The following LMTK3 variants were observed in gnomAD, a reference collection of about 807,000 sequenced individuals.
LMTK3 encodes lemur tail kinase 3, also known as serine/threonine-protein kinase LMTK3.
LMTK3 carries 27 observed loss-of-function variants against 116.7 expected under a neutral mutation model. The observed-to-expected ratio is 0.23, with a 90% CI of 0.17 to 0.32. The LOEUF is 0.32. Among genes scored for constraint, LMTK3 ranks in the 10% least tolerant of loss-of-function variants. The pLI is 1.00. For missense variants in LMTK3, 1,764 were observed against 2,068.5 expected (o/e 0.85, Z 2.86); for synonymous variants, 965 against 971.0 (o/e 0.99, Z 0.11).
rs566173716 is a variant in LMTK3, at chr19:48,502,857, G to A, written c.645+52C>T. ...GCCCAGGGGCACCAGGCTTGGCCCC[G>A]GCCTTGTCCAGCTGCCCCCTCTGCC... On this transcript the variant is annotated intron_variant, in intron 6 of 14. Coordinates refer to ENST00000600059, the MANE Select transcript of LMTK3 (RefSeq NM_001388485.1). The A allele has an allele frequency of 2.2e-4, 303 of 1,362,730 alleles. 4 individuals are homozygous for A. In the South Asian group the frequency reaches 3.5e-3, roughly 16 times the overall value. 84.4% of individuals were successfully genotyped at this position (1,362,730 alleles called of 1,614,324 possible). A position where few individuals can be genotyped will look rare whatever the true frequency, so the allele number is the denominator to read the frequency against.
At chr19:48,486,866 G>T (rs550142173) in intron 14 of LMTK3, among the ~76,000 whole-genome samples, 2 of 150,210 alleles carry the variant, frequency 1.3e-5, no homozygotes, top group Admixed American at 6.6e-5. Context: ...TTTTGGGGGG[G>T]TTTTGCTTGT....
At position 48,497,476 on chromosome 19, in the gene LMTK3, G is replaced by C. The variant is rs764187382; in HGVS notation, c.3593C>G (p.Pro1198Arg). Residue 1198 changes from proline to arginine, a missense_variant, in exon 11 of 15, where the codon CCC (proline) becomes CGC (arginine). By Grantham distance (103) the Pro-to-Arg change is moderately radical. Around this residue, in one of 7 missense-constraint regions of LMTK3, gnomAD observed 1,028 missense variants for 1,050.6 expected, o/e 0.98. Coordinates refer to ENST00000600059, the MANE Select transcript of LMTK3 (RefSeq NM_001388485.1). This position sits in a 1 kb window ranked among gnomAD's most constrained non-coding sequence, Gnocchi z 5.7. Reference protein sequence around the residue: ...DTALSGDGDPPKPERKGPEMP... With the variant: ...DTALSGDGDPRKPERKGPEMP... ...CTCGGGGCCCTTCCTCTCGGGCTTG[G>C]GGGGGTCCCCGTCTCCGCTGAGTGC... 4.7e-6 allele frequency: 7 copies of C among 1,505,374 alleles called. 1 individual carries two copies. The Middle Eastern group carries it at 5.3e-4, about 115-fold the overall frequency. 93.3% of individuals were successfully genotyped at this position (1,505,374 alleles called of 1,614,324 possible).
At position 48,499,503 on chromosome 19, in the gene LMTK3, G is replaced by A. The variant is rs752120195; in HGVS notation, c.1566C>T (p.Ser522=). Residue 522 remains serine (S), a synonymous_variant, in exon 11 of 15, where the codon AGC becomes AGT. Transcript: ENST00000600059. ...NPFYEALSTP[S]VLPVISARSP... is the part of the protein sequence containing the mutation. ...TGCGGGCGCTGATGACAGGCAGCACGCTGGGCGTGGACAGCGCCTCGTAGA... is the reference window on the plus strand; with the variant it reads ...TGCGGGCGCTGATGACAGGCAGCACACTGGGCGTGGACAGCGCCTCGTAGA... 40 of 1,476,214 alleles carry A rather than the reference G, an allele frequency of 2.7e-5. No homozygotes were observed. The highest frequency in any genetic ancestry group is 2.6e-4 in the African/African-American group (18 of 69,664). 91.4% of individuals were successfully genotyped at this position (1,476,214 alleles called of 1,614,324 possible). A position where few individuals can be genotyped will look rare whatever the true frequency, so the allele number is the denominator to read the frequency against.
Position 48,491,294 on chromosome 19 carries a change from TC to T in LMTK3, c.4229-50del. The stretch of plus-strand genomic sequence containing the variant: ...GTCAGGCTGCAGACACCTGCGGCAC[TC>T]CCGCCCTCTGGTCCCGCCCCTCCCG... On this transcript the variant is annotated intron_variant, in intron 13 of 14. Coordinates refer to ENST00000600059, the MANE Select transcript of LMTK3 (RefSeq NM_001388485.1). This position sits in a 1 kb window ranked among gnomAD's most constrained non-coding sequence, Gnocchi z 5.1. The T allele has an allele frequency of 7.4e-7, 1 of 1,350,266 alleles. No individual in the cohort carries two copies. Among genetic ancestry groups the T allele is most frequent in the Non-Finnish European group, 9.5e-7 (1 of 1,048,162 alleles). 83.6% of individuals were successfully genotyped at this position (1,350,266 alleles called of 1,614,324 possible).
Position 48,509,504 on chromosome 19 carries a change from G to A in LMTK3, c.371C>T (p.Thr124Ile), listed in dbSNP as rs1972622974. The stretch of plus-strand genomic sequence containing the variant: ...GTGCTGCCGGCTAAGGCCCAGGGGG[G>A]TGGTCATGTCTGGGGAGGGCAAGAG... Reference protein sequence around the residue: ...APQPSHSDMTTPLGLSRQHLS... With the variant: ...APQPSHSDMTIPLGLSRQHLS... Residue 124 changes from threonine (T) to isoleucine (I), a missense_variant, in exon 4 of 15, where the codon ACC (threonine) becomes ATC (isoleucine). Coordinates refer to ENST00000600059, the MANE Select transcript of LMTK3 (RefSeq NM_001388485.1). 1 of 1,555,778 alleles carries A rather than the reference G, an allele frequency of 6.4e-7. No homozygotes were observed. Among genetic ancestry groups the A allele is most frequent in the Non-Finnish European group, 8.7e-7 (1 of 1,148,884 alleles).
In LMTK3 at chr19:48,497,693, C is replaced by A; in HGVS notation, c.3376G>T (p.Gly1126Cys). The change falls in exon 11 of 15, where the codon GGC becomes TGC. Residue 1126 changes from glycine to cysteine, a missense_variant. Physicochemically the swap from Gly to Cys is radical, Grantham distance 159. Around this residue, in one of 7 missense-constraint regions of LMTK3, gnomAD observed 1,028 missense variants for 1,050.6 expected, o/e 0.98. Coordinates refer to ENST00000600059, the MANE Select transcript of LMTK3 (RefSeq NM_001388485.1). The surrounding 1 kb of genome is among the most constrained non-coding windows in gnomAD (Gnocchi z 5.7). ...TTTGCGTCCACGCCGCTTCCGGGGC[C>A]GCCGCCGGGGGCCGTCCCCGTGCCC... is the stretch of plus-strand genomic sequence containing the variant. ...PVGTGTAPGG[G>C]PGSGVDAKAG... The A allele has an allele frequency of 7.6e-7, 1 of 1,314,468 alleles. No individual in the cohort carries two copies. Among genetic ancestry groups the A allele is most frequent in the Non-Finnish European group, 9.7e-7 (1 of 1,035,824 alleles). The allele number at this position is 1,314,468 out of a possible 1,614,324, so 81.4% of individuals were successfully genotyped here.
In LMTK3 at chr19:48,493,937, C is replaced by G; in HGVS notation, c.3849G>C (p.Glu1283Asp). ...PAEEDGEDED[E>D]DEEEDEEAAA... ...CCGCCTCCTCGTCCTCCTCCTCGTC[C>G]TCGTCCTCGTCCTCCCCGTCCTCCT... The change falls in exon 12 of 15, where the codon GAG becomes GAC. Residue 1283 changes from glutamate (E) to aspartate (D), a missense_variant. Coordinates refer to ENST00000600059, the MANE Select transcript of LMTK3 (RefSeq NM_001388485.1). 9.7e-7 allele frequency: 1 copy of G among 1,035,658 alleles called. No homozygotes were observed. The highest frequency in any genetic ancestry group is 1.2e-6 in the Non-Finnish European group (1 of 866,644). 64.2% of individuals were successfully genotyped at this position (1,035,658 alleles called of 1,614,324 possible).
rs758264671 is a variant in LMTK3 at position 48,497,359 on chromosome 19, C to T, written c.3676+34G>A. On this transcript the variant is annotated intron_variant, in intron 11 of 14. Transcript: ENST00000600059. The surrounding 1 kb of genome is among the most constrained non-coding windows in gnomAD (Gnocchi z 5.7). ...TCCGCACGCCTCGGAAACAGCCGGA[C>T]CTCAGCCCTGACTGTGCCCCGCAGC... 1 of 1,440,528 alleles carries T rather than the reference C, an allele frequency of 6.9e-7. No homozygotes were observed. The highest frequency in any genetic ancestry group is 9.1e-7 in the Non-Finnish European group (1 of 1,093,628). 89.2% of individuals were successfully genotyped at this position (1,440,528 alleles called of 1,614,324 possible).
At chr19:48,510,278 C>T in intron 2 of LMTK3, 105 bp from the exon 3 acceptor site, 2 of 1,435,828 alleles carry the variant, frequency 1.4e-6, no homozygotes, top group Admixed American at 4.4e-5. Flanking sequence ...AACTGTCTCC[C>T]AGTCCCAGCC....
At chr19:48,492,061 C>T (rs1972236821) in intron 12 of LMTK3, among the ~76,000 whole-genome samples, 1 of 152,162 alleles carries the variant, frequency 6.6e-6, no homozygotes, top group South Asian at 2.1e-4. Flanking sequence ...TGGCCCAGGC[C>T]CCAGTTCTTG....
chr19:48,503,040 C>G (rs1434245645), intron 5 of LMTK3, 44 bp from the exon 6 acceptor site: 2 of 1,188,422 alleles, frequency 1.7e-6, no homozygotes, highest in South Asian at 1.3e-5. Flanking sequence ...CAGCCCCTTC[C>G]TCTTCATCCT....
chr19:48,503,126 C>T (rs1258244270), intron 5 of LMTK3, 130 bp from the exon 6 acceptor site: 13 of 673,996 alleles, frequency 1.9e-5, no homozygotes, highest in Admixed American at 2.3e-5. Context: ...TGTTTTGAGA[C>T]GGAGTCTCGC....
rs1350639713 is a variant in LMTK3 at position 48,501,577 on chromosome 19, C to T, written c.795-15G>A. On this transcript the variant is annotated splice_polypyrimidine_tract_variant and intron_variant, in intron 7 of 14. Transcript: ENST00000600059. ...GGGCCAGGTCGCTGCGGGAAGAACG[C>T]GAGGAGGTGAGCGCAGGGGCAGCCC... 6.3e-7 allele frequency: 1 copy of T among 1,596,422 alleles called. No homozygotes were observed. The highest frequency in any genetic ancestry group is 1.3e-5 in the African/African-American group (1 of 74,544).
chr19:48,495,592 G>A (rs1972310152), intron 11 of LMTK3, among the ~76,000 whole-genome samples: 1 of 152,194 alleles, frequency 6.6e-6, no homozygotes, highest in African/African-American at 2.4e-5. Context: ...TCTCAAGGAA[G>A]TGACAGTGTT....
Position 48,498,962 on chromosome 19 carries a change from G to T in LMTK3, c.2107C>A (p.Pro703Thr). The T allele has an allele frequency of 7.5e-7, 1 of 1,329,394 alleles. No individual in the cohort carries two copies. Among genetic ancestry groups the T allele is most frequent in the Non-Finnish European group, 9.6e-7 (1 of 1,042,254 alleles). 82.3% of individuals were successfully genotyped at this position (1,329,394 alleles called of 1,614,324 possible). A position where few individuals can be genotyped will look rare whatever the true frequency, so the allele number is the denominator to read the frequency against. The change falls in exon 11 of 15, where the codon CCC becomes ACC. Residue 703 changes from proline to threonine, a missense_variant. Pro to Thr is a conservative substitution (Grantham distance 38, BLOSUM62 -1). Transcript: ENST00000600059. Reference sequence around the variant, plus strand: ...CGCAGCGAGGAGTCGTCCTCGGGGGGGTGGGGGCAGCCAAGAGCAGGGTGG... The same window carrying T: ...CGCAGCGAGGAGTCGTCCTCGGGGGTGTGGGGGCAGCCAAGAGCAGGGTGG... ...GGHPALGCPH[P>T]PEDDSSLRAE...
intron 9 of LMTK3, 36 bp from the exon 10 acceptor site, chr19:48,501,181 GACCC>G: frequency 6.2e-7 from 1 of 1,606,182 alleles, no homozygotes; most frequent in African/African-American, 1.3e-5. Flanking sequence ...GCCCAGCCCT[GACCC>G]ACCCGGGCCT....
chr19:48,506,127 C>A (rs1360350896), intron 5 of LMTK3, among the ~76,000 whole-genome samples: 1 of 141,140 alleles, frequency 7.1e-6, no homozygotes, highest in Admixed American at 7.4e-5. Flanking sequence ...GACAACAGAG[C>A]AAGACTTCAT....
chr19:48,491,147 G>A lies in LMTK3; in HGVS notation c.4327C>T (p.Pro1443Ser). Reference sequence around the variant, plus strand: ...TCGGGGGCCCGGGCGGGTGGCCCCGGGGTCTCCAGCGCAGGCGAGACGGAG... The same window carrying A: ...TCGGGGGCCCGGGCGGGTGGCCCCGAGGTCTCCAGCGCAGGCGAGACGGAG... ...RFSVSPALETPGPPARAPDAR... is the reference protein window; with the variant it reads ...RFSVSPALETSGPPARAPDAR... Residue 1443 changes from proline (P) to serine (S), a missense_variant, in exon 14 of 15, where the codon CCG becomes TCG. Pro to Ser is a moderately conservative substitution (Grantham distance 74, BLOSUM62 -1). Around this residue, in one of 7 missense-constraint regions of LMTK3, gnomAD observed 281 missense variants for 301.4 expected, o/e 0.93. Coordinates refer to ENST00000600059, the MANE Select transcript of LMTK3 (RefSeq NM_001388485.1). The surrounding 1 kb of genome is among the most constrained non-coding windows in gnomAD (Gnocchi z 5.1). 1.4e-6 allele frequency: 2 copies of A among 1,384,970 alleles called. No homozygotes were observed. Among genetic ancestry groups the A allele is most frequent in the Non-Finnish European group, 1.9e-6 (2 of 1,069,014 alleles). The allele number at this position is 1,384,970 out of a possible 1,614,324, so 85.8% of individuals were successfully genotyped here.
In LMTK3 at chr19:48,491,484, G is replaced by A. The variant is rs759293310; in HGVS notation, c.4148C>T (p.Pro1383Leu). 12 of 1,418,328 alleles carry A rather than the reference G, an allele frequency of 8.5e-6. No homozygotes were observed. The highest frequency in any genetic ancestry group is 3.2e-5 in the Admixed American group (1 of 31,362). The allele number at this position is 1,418,328 out of a possible 1,614,324, so 87.9% of individuals were successfully genotyped here. The stretch of plus-strand genomic sequence containing the variant: ...TGTCGGGGGCGCTGGAGGCGTTGAC[G>A]GGTCCGTGTCCCCCTCGGGGGGGGC... ...VQAPPEGDTD[P>L]STPPAPPTPP... Residue 1383 changes from proline to leucine, a missense_variant, in exon 13 of 15, where the codon CCG becomes CTG. Pro to Leu is a moderately conservative substitution (Grantham distance 98). Coordinates refer to ENST00000600059, the MANE Select transcript of LMTK3 (RefSeq NM_001388485.1). This position sits in a 1 kb window ranked among gnomAD's most constrained non-coding sequence, Gnocchi z 5.1.
Sources: allele counts gnomAD v4.1 joint callset (sites outside exome capture counted in the v4.1 genomes callset), GRCh38; gene constraint gnomAD v4.1.1; regional missense constraint gnomAD v4.1.1; non-coding constraint Gnocchi (gnomAD v3.1); transcripts MANE v1.5; gene names NCBI Gene and HGNC (gene_info 2026-07-23, HGNC 2026-07-21).